The following TBL1X variants were observed in gnomAD, a reference collection of about 807,000 sequenced individuals.
The protein encoded by TBL1X is F-box-like/WD repeat-containing protein TBL1X.
TBL1X carries 10 observed loss-of-function variants against 50.7 expected under a neutral mutation model. The observed-to-expected ratio is 0.20, with a 90% CI of 0.12 to 0.33. The LOEUF (loss-of-function observed/expected upper bound fraction) is 0.33. Ranked by LOEUF, TBL1X falls within the 10% of genes least tolerant of loss-of-function variation. The pLI is 1.00. For synonymous variants in TBL1X, 190 were observed against 214.7 expected (o/e 0.88, Z 1.01); for missense variants, 340 against 504.4 (o/e 0.67, Z 3.12).
At chrX:9,702,564 C>G (rs1369436533) in intron 12 of TBL1X, among the ~76,000 whole-genome samples, 1 of 105,987 alleles carries the variant, frequency 9.4e-6, no homozygotes, top group African/African-American at 3.5e-5. Flanking sequence ...TATGATTGTG[C>G]CACTGCACTC....
chrX:9,640,816 T>C (rs758266009), intron 3 of TBL1X, among the ~76,000 whole-genome samples: 1 of 111,260 alleles, frequency 9.0e-6, no homozygotes, highest in Non-Finnish European at 1.9e-5. Flanking sequence ...ATAGTTTCAG[T>C]AGAGACAGGG....
intron 2 of TBL1X, among the ~76,000 whole-genome samples, chrX:9,613,872 G>C (rs1468038099): frequency 9.3e-6 from 1 of 107,243 alleles, no homozygotes; most frequent in Non-Finnish European, 1.9e-5. Context: ...TGTAGTCCCA[G>C]CTACTTGGGA....
At chrX:9,669,506 C>T (rs2082948706) in intron 5 of TBL1X, among the ~76,000 whole-genome samples, 1 of 111,970 alleles carries the variant, frequency 8.9e-6, no homozygotes, top group Non-Finnish European at 1.9e-5. Context: ...GAGATGTTCA[C>T]CTGGGTCCCT....
chrX:9,518,112 AAAAAG>A (rs1200316939), intron 2 of TBL1X, among the ~76,000 whole-genome samples: 1 of 110,505 alleles, frequency 9.0e-6, no homozygotes, highest in Non-Finnish European at 1.9e-5. Context: ...AAAAAAAAAA[AAAAAG>A]AAAAGAAAAA....
chrX:9,681,537 G>T (rs1247468690), intron 5 of TBL1X, among the ~76,000 whole-genome samples: 1 of 112,278 alleles, frequency 8.9e-6, no homozygotes, highest in Non-Finnish European at 1.9e-5. Context: ...GGTCAGAATC[G>T]GCTCTGTTTC....
intron 2 of TBL1X, among the ~76,000 whole-genome samples, chrX:9,578,110 AC>A (rs199967377): frequency 0.012 from 1,382 of 112,117 alleles, 11 homozygotes; most frequent in Non-Finnish European, 0.021. Context: ...AGTGGGGATG[AC>A]CACGCTGCAC....
At chrX:9,584,953 A>G (rs1033663118) in intron 2 of TBL1X, among the ~76,000 whole-genome samples, 2 of 111,431 alleles carry the variant, frequency 1.8e-5, no homozygotes, top group Non-Finnish European at 3.8e-5. Flanking sequence ...CCCAAATGCC[A>G]CTAAATTGTA....
intron 3 of TBL1X, among the ~76,000 whole-genome samples, chrX:9,645,843 G>T (rs1048323421): frequency 1.8e-5 from 2 of 111,837 alleles, no homozygotes; most frequent in Admixed American, 9.5e-5. Context: ...CTGTAACCTT[G>T]TTGGCCCTCT....
chrX:9,525,854 T>A (rs1274925994), intron 2 of TBL1X, among the ~76,000 whole-genome samples: 1 of 108,541 alleles, frequency 9.2e-6, no homozygotes, highest in Non-Finnish European at 1.9e-5. Context: ...ATTTTGTGTT[T>A]AAAAAAAAAA....
intron 2 of TBL1X, among the ~76,000 whole-genome samples, chrX:9,529,955 TAGAA>T (rs1384860600): frequency 9.2e-6 from 1 of 108,689 alleles, no homozygotes; most frequent in Non-Finnish European, 1.9e-5. Flanking sequence ...AAGAGAGAGA[TAGAA>T]AGAGAGAAAG....
chrX:9,643,957 A>G (rs1478716301), intron 3 of TBL1X, among the ~76,000 whole-genome samples: 1 of 112,170 alleles, frequency 8.9e-6, no homozygotes, highest in East Asian at 2.8e-4. Flanking sequence ...ACTGTAGGGT[A>G]CGCTTCAGAG....
chrX:9,527,474 GTTTA>G (rs1462114897), intron 2 of TBL1X, among the ~76,000 whole-genome samples: 1 of 111,685 alleles, frequency 9.0e-6, no homozygotes, highest in Non-Finnish European at 1.9e-5. Context: ...GGATATTTTG[GTTTA>G]TTTATTTGTG....
intron 1 of TBL1X, among the ~76,000 whole-genome samples, chrX:9,482,321 AG>A (rs2081887278): frequency 8.9e-6 from 1 of 111,800 alleles, no homozygotes; most frequent in South Asian, 3.7e-4. Flanking sequence ...AATTGTGCCC[AG>A]TGTTAATCTT....
chrX:9,651,478 A>T (rs1423919617), intron 3 of TBL1X, among the ~76,000 whole-genome samples: 1 of 112,028 alleles, frequency 8.9e-6, no homozygotes, highest in African/African-American at 3.2e-5. Flanking sequence ...GTAGAGAGAA[A>T]CCTAAACTCT....
intron 6 of TBL1X, 121 bp downstream of exon 6, chrX:9,684,309 G>A: frequency 1.0e-6 from 1 of 973,365 alleles, no homozygotes; most frequent in Admixed American, 2.9e-5. Context: ...CCGCGGCAGG[G>A]TGCAGTGGCT....
intron 2 of TBL1X, among the ~76,000 whole-genome samples, chrX:9,543,198 C>T (rs2238852): frequency 0.25 from 28,062 of 110,718 alleles, 2,690 homozygotes; most frequent in East Asian, 0.64. Context: ...CTGTGCCTGC[C>T]GATCACCCTC....
rs750998554 is a variant in TBL1X, at chrX:9,600,252, A to G, written c.-130-40021A>G. ...GGAAGTCCAGGATCAAGGCACTGGCAGTTTTGGTGTCTGGTGAGGGCTGCT... is the reference window on the plus strand; with the variant it reads ...GGAAGTCCAGGATCAAGGCACTGGCGGTTTTGGTGTCTGGTGAGGGCTGCT... On this transcript the variant is annotated intron_variant, in intron 2 of 17. Coordinates refer to ENST00000645353, the MANE Select transcript of TBL1X (RefSeq NM_005647.4). Among the ~76,000 whole-genome samples, 4 of 110,254 alleles carry G rather than the reference A, an allele frequency of 3.6e-5. No homozygotes were observed. In the East Asian group the frequency reaches 1.1e-3, roughly 32 times the overall value.
chrX:9,692,206 G>C lies in TBL1X; in HGVS notation c.843G>C (p.Gly281=), dbSNP rs1284841733. ...TGTTGAGGCACTGTATACGAGAGGGGGGCCATGACGTCCCGAGTAACAAAG... is the reference window on the plus strand; with the variant it reads ...TGTTGAGGCACTGTATACGAGAGGGCGGCCATGACGTCCCGAGTAACAAAG... ...QLVLRHCIRE[G]GHDVPSNKDV... is the part of the protein sequence containing the mutation. The change falls in exon 9 of 18, where the codon GGG becomes GGC. Residue 281 remains glycine, a synonymous_variant. Coordinates refer to ENST00000645353, the MANE Select transcript of TBL1X (RefSeq NM_005647.4). The C allele has an allele frequency of 3.3e-6, 4 of 1,201,926 alleles. No homozygotes were observed. Among genetic ancestry groups the C allele is most frequent in the Non-Finnish European group, 3.4e-6 (3 of 892,609 alleles).
chrX:9,580,597 T>G (rs1362963129), intron 2 of TBL1X, among the ~76,000 whole-genome samples: 1 of 111,352 alleles, frequency 9.0e-6, no homozygotes. Flanking sequence ...GCCCCAAGAT[T>G]TATTTTCCTT....
Sources: gnomAD v4.1 joint callset for allele counts (sites outside exome capture counted in the v4.1 genomes callset) on GRCh38, gnomAD v4.1.1 for gene constraint, MANE v1.5 for transcripts, NCBI Gene and HGNC (gene_info 2026-07-23, HGNC 2026-07-21) for gene names.